SHISA9: variants seen among roughly 807,000 people sequenced by gnomAD.
SHISA9 encodes the protein shisa family member 9.
In SHISA9, 13 loss-of-function variants were observed where a neutral mutation model predicts 38.0. The observed-to-expected ratio is 0.34, with a 90% CI of 0.22 to 0.54. The LOEUF is 0.54. SHISA9 is among the 20% of genes least tolerant of loss of function. SHISA9 has a pLI of 0.91. For missense variants in SHISA9, 538 were observed against 575.8 expected (o/e 0.93, Z 0.67); for synonymous variants, 275 against 242.0 (o/e 1.14, Z -1.27).
At chr16:13,435,496 T>G in the SHISA9 span, among the ~76,000 whole-genome samples, 1 of 152,264 alleles carries the variant, frequency 6.6e-6, no homozygotes, top group African/African-American at 2.4e-5. Context: ...TTTGTTTTTA[T>G]AACTTTACAT....
At chr16:13,484,023 C>T in the SHISA9 span, among the ~76,000 whole-genome samples, 1 of 152,114 alleles carries the variant, frequency 6.6e-6, no homozygotes, top group African/African-American at 2.4e-5. Flanking sequence ...GGGCTCACGA[C>T]TGGTGTCTGG....
chr16:13,197,934 C>G (rs752634961), intron 2 of SHISA9, among the ~76,000 whole-genome samples: 2 of 152,120 alleles, frequency 1.3e-5, no homozygotes, highest in African/African-American at 4.8e-5. Flanking sequence ...TCTGTAAGCC[C>G]AGCACTTTGG....
chr16:13,412,799 G>C, the SHISA9 span, among the ~76,000 whole-genome samples: 1 of 152,158 alleles, frequency 6.6e-6, no homozygotes, highest in South Asian at 2.1e-4. Flanking sequence ...AGAGGTTGCA[G>C]TGAGCAACAA....
At chr16:13,362,723 C>A in the SHISA9 span, among the ~76,000 whole-genome samples, 2 of 152,192 alleles carry the variant, frequency 1.3e-5, no homozygotes, top group Non-Finnish European at 2.9e-5. Flanking sequence ...TTTCACTTCT[C>A]ACATTCCTGA....
chr16:12,985,992 C>A (rs1424531538), intron 2 of SHISA9, among the ~76,000 whole-genome samples: 1 of 152,204 alleles, frequency 6.6e-6, no homozygotes, highest in Non-Finnish European at 1.5e-5. Context: ...CTCCAGAGCA[C>A]CCCTGTGGGA....
intron 3 of SHISA9, among the ~76,000 whole-genome samples, chr16:13,204,234 A>ATCTT (rs1289748302): frequency 6.6e-6 from 1 of 150,984 alleles, no homozygotes; most frequent in Non-Finnish European, 1.5e-5. Flanking sequence ...CTATCTATCT[A>ATCTT]TCTATCTATC....
chr16:13,186,288 C>CTTTTTTTTTTTTTTTTTT (rs113608898), intron 2 of SHISA9, among the ~76,000 whole-genome samples: 1 of 104,272 alleles, frequency 9.6e-6, no homozygotes, highest in Non-Finnish European at 1.9e-5. Context: ...CCATCTTAAC[C>CTTTTTTTTTTTTTTTTTT]TTTTTTTTTT....
At chr16:13,258,952 C>T in the SHISA9 span, among the ~76,000 whole-genome samples, 104 of 152,276 alleles carry the variant, frequency 6.8e-4, 1 homozygote, top group East Asian at 0.016. Flanking sequence ...CATTTCAAAA[C>T]CAATCATGCC....
At chr16:13,323,911 A>T in the SHISA9 span, among the ~76,000 whole-genome samples, 6 of 152,254 alleles carry the variant, frequency 3.9e-5, no homozygotes, top group South Asian at 1.2e-3. Context: ...CCAGTGTTGG[A>T]GGTGGGTCTA....
At chr16:13,335,432 C>G in the SHISA9 span, among the ~76,000 whole-genome samples, 1 of 152,108 alleles carries the variant, frequency 6.6e-6, no homozygotes, top group African/African-American at 2.4e-5. Flanking sequence ...TCCCCTACCC[C>G]CCTTTAAAGG....
At chr16:13,462,231 C>A in the SHISA9 span, among the ~76,000 whole-genome samples, 2 of 151,720 alleles carry the variant, frequency 1.3e-5, no homozygotes, top group East Asian at 1.9e-4. Context: ...CATGGTGAGA[C>A]CCCTACCTCT....
At chr16:13,483,600 G>A in the SHISA9 span, among the ~76,000 whole-genome samples, 11 of 151,698 alleles carry the variant, frequency 7.3e-5, no homozygotes, top group East Asian at 1.9e-3. Context: ...ACAGAAGCTC[G>A]CTGACTTTCC....
intron 2 of SHISA9, among the ~76,000 whole-genome samples, chr16:13,029,018 G>T (rs1027268715): frequency 6.6e-6 from 1 of 152,276 alleles, no homozygotes; most frequent in East Asian, 1.9e-4. Flanking sequence ...ACCTTCCCTA[G>T]ATATAACCTT....
chr16:13,140,158 CCCCTCCCCTCCCCTCCCCTT>C, intron 2 of SHISA9, among the ~76,000 whole-genome samples: 2 of 99,076 alleles, frequency 2.0e-5, no homozygotes, highest in African/African-American at 8.4e-5. Context: ...CCCCTCCCCT[CCCCTCCCCTCCCCTCCCCTT>C]CCCTTCCCTT....
At chr16:13,247,427 G>A in the SHISA9 span, among the ~76,000 whole-genome samples, 4 of 152,090 alleles carry the variant, frequency 2.6e-5, no homozygotes, top group Non-Finnish European at 5.9e-5. Flanking sequence ...TAAAGATAAG[G>A]GAACTGAGAG....
chr16:13,366,650 C>T, the SHISA9 span, among the ~76,000 whole-genome samples: 1 of 151,746 alleles, frequency 6.6e-6, no homozygotes, highest in African/African-American at 2.4e-5. Flanking sequence ...TGAGACCAGC[C>T]TGGAGAACAT....
chr16:13,343,420 T>C, the SHISA9 span, among the ~76,000 whole-genome samples: 3 of 152,120 alleles, frequency 2.0e-5, no homozygotes, highest in African/African-American at 7.2e-5. Context: ...CTAATCATCA[T>C]CTAATCACCA....
At chr16:13,006,108 A>C (rs1381380390) in intron 2 of SHISA9, among the ~76,000 whole-genome samples, 1 of 152,174 alleles carries the variant, frequency 6.6e-6, no homozygotes, top group East Asian at 1.9e-4. Context: ...ACTTCAGATG[A>C]GCTTTTATTA....
At chr16:12,961,282 C>T (rs773569706) in intron 2 of SHISA9, among the ~76,000 whole-genome samples, 34 of 151,988 alleles carry the variant, frequency 2.2e-4, no homozygotes, top group Admixed American at 1.1e-3. Flanking sequence ...GCAGAGGTAG[C>T]GGAGTGGAAC....
Sources: allele counts gnomAD v4.1 joint callset (sites outside exome capture counted in the v4.1 genomes callset), GRCh38; gene constraint gnomAD v4.1.1; transcripts MANE v1.5; gene names NCBI Gene and HGNC (gene_info 2026-07-23, HGNC 2026-07-21).